The following MOSPD2 variants were observed in gnomAD, a reference collection of about 807,000 sequenced individuals.
MOSPD2 encodes motile sperm domain-containing protein 2.
A neutral mutation model predicts 41.7 loss-of-function variants in MOSPD2; 5 were observed. The ratio of observed to expected loss-of-function variants is 0.12; its 90% CI spans 0.06 to 0.25. MOSPD2 has a LOEUF of 0.25. MOSPD2 is among the 10% of genes least tolerant of loss of function. The pLI is 1.00. For missense variants in MOSPD2, 282 were observed against 375.2 expected, an observed-to-expected ratio of 0.75 and a Z score of 2.05; for synonymous variants, 115 against 126.9, an observed-to-expected ratio of 0.91 and a Z score of 0.63.
intron 14 of MOSPD2, 40 bp from the exon 15 acceptor site, chrX:14,919,632 T>C: frequency 9.7e-7 from 1 of 1,035,611 alleles, no homozygotes; most frequent in Non-Finnish European, 1.3e-6. Flanking sequence ...TAATGGCTGT[T>C]TTATTGATAT....
intron 2 of MOSPD2, among the ~76,000 whole-genome samples, chrX:14,891,807 TC>T (rs1434468111): frequency 9.0e-6 from 1 of 110,789 alleles, no homozygotes; most frequent in Non-Finnish European, 1.9e-5. Flanking sequence ...CCTCAGGTGA[TC>T]CGCCTGCCTC....
Position 14,921,562 on chromosome X carries a change from C to A in MOSPD2, c.*1753C>A. On this transcript the variant is annotated 3_prime_UTR_variant, in exon 15 of 15. Transcript: ENST00000380492. ...GCAAATAAATGAAGAAATAATTAGC[C>A]AAGATTGAAAATGTATTGTCCTAAC... The A allele has an allele frequency of 2.5e-6, 1 of 395,161 alleles. No individual in the cohort carries two copies. The highest frequency in any genetic ancestry group is 3.8e-6 in the Non-Finnish European group (1 of 264,522). The allele number at this position is 395,161 out of a possible 1,213,427, so 32.6% of individuals were successfully genotyped here.
Position 14,919,974 on chromosome X carries a change from C to G in MOSPD2, c.*165C>G, listed in dbSNP as rs2092606769. On this transcript the variant is annotated 3_prime_UTR_variant, in exon 15 of 15. Coordinates refer to ENST00000380492, the MANE Select transcript of MOSPD2 (RefSeq NM_152581.4). The stretch of plus-strand genomic sequence containing the variant: ...ACATACATGTCTTGAAAATAAACTG[C>G]TAGAATAAAGAAATGCTGGAGAAAT... 1 of 996,532 alleles carries G rather than the reference C, an allele frequency of 1.0e-6. No individual in the cohort carries two copies. Among genetic ancestry groups the G allele is most frequent in the Admixed American group, 4.8e-5 (1 of 20,692 alleles). The allele number at this position is 996,532 out of a possible 1,213,427, so 82.1% of individuals were successfully genotyped here. A position where few individuals can be genotyped will look rare whatever the true frequency, so the allele number is the denominator to read the frequency against.
chrX:14,903,186 A>G (rs766984456), intron 7 of MOSPD2, among the ~76,000 whole-genome samples, 182 bp downstream of exon 7: 2 of 111,466 alleles, frequency 1.8e-5, no homozygotes, highest in Non-Finnish European at 3.8e-5. Flanking sequence ...TTTTATACCC[A>G]GGATCTGGGG....
At position 14,873,727 on chromosome X, in the gene MOSPD2, C is replaced by G. The variant is rs2092512536; in HGVS notation, c.48C>G (p.Thr16=). ...AQNKAKLISE[T]RRRFEAEYVT... ...ATAAAGCCAAGCTCATCTCTGAGACCCGGAGGAGGTTCGAAGCTGAGTATG... is the reference window on the plus strand; with the variant it reads ...ATAAAGCCAAGCTCATCTCTGAGACGCGGAGGAGGTTCGAAGCTGAGTATG... Residue 16 remains threonine, a synonymous_variant, in exon 2 of 15, where the codon ACC becomes ACG. Coordinates refer to ENST00000380492, the MANE Select transcript of MOSPD2 (RefSeq NM_152581.4). 18 of 1,210,782 alleles carry G rather than the reference C, an allele frequency of 1.5e-5. No individual in the cohort carries two copies. The highest frequency in any genetic ancestry group is 1.9e-5 in the Non-Finnish European group (17 of 894,744).
At chrX:14,891,329 C>G (rs1307987619) in intron 2 of MOSPD2, among the ~76,000 whole-genome samples, 1 of 111,140 alleles carries the variant, frequency 9.0e-6, no homozygotes, top group Non-Finnish European at 1.9e-5. Flanking sequence ...GGAGGAATGT[C>G]TGCTATACAA....
In MOSPD2 at chrX:14,912,231, C is replaced by CTT. The variant is rs11400370; in HGVS notation, c.880-10_880-9dup. On this transcript the variant is annotated splice_polypyrimidine_tract_variant and intron_variant, in intron 9 of 14. Coordinates refer to ENST00000380492, the MANE Select transcript of MOSPD2 (RefSeq NM_152581.4). ...TGTTAATATATGCTAAATAGTTATC[C>CTT]TTTTTTTTTGTCTTTAGATTAACCC... The CTT allele has an allele frequency of 2.5e-3, 2,333 of 922,488 alleles. No individual in the cohort carries two copies. The highest frequency in any genetic ancestry group is 2.8e-3 in the Non-Finnish European group (1,883 of 677,962). The allele number at this position is 922,488 out of a possible 1,213,427, so 76.0% of individuals were successfully genotyped here.
In MOSPD2 at chrX:14,877,098, A is replaced by T. The variant is rs775350632; in HGVS notation, c.79+3340A>T. On this transcript the variant is annotated intron_variant, in intron 2 of 14. Coordinates refer to ENST00000380492, the MANE Select transcript of MOSPD2 (RefSeq NM_152581.4). Reference sequence around the variant, plus strand: ...ATAACCTTAAGGAGGGTAAGCACACATGGCTAAATACAGTGGGAATATAGT... The same window carrying T: ...ATAACCTTAAGGAGGGTAAGCACACTTGGCTAAATACAGTGGGAATATAGT... Among the ~76,000 whole-genome samples the T allele has an allele frequency of 7.2e-4, 80 of 111,631 alleles. 1 individual carries two copies. Among genetic ancestry groups the T allele is most frequent in the African/African-American group, 2.5e-3 (76 of 30,682 alleles).
In MOSPD2 at chrX:14,878,704, C is replaced by CT. The variant is rs964138010; in HGVS notation, c.79+4953dup. Among the ~76,000 whole-genome samples, 24 of 110,997 alleles carry CT rather than the reference C, an allele frequency of 2.2e-4. No individual in the cohort carries two copies. The South Asian group carries it at 4.5e-3, about 21-fold the overall frequency. On this transcript the variant is annotated intron_variant, in intron 2 of 14. Coordinates refer to ENST00000380492, the MANE Select transcript of MOSPD2 (RefSeq NM_152581.4). ...GTTTTGGTTTACTATTTTTTTTCTTCTTTTTTTATTATACTTTAAGTTCTA... is the reference window on the plus strand; with the variant it reads ...GTTTTGGTTTACTATTTTTTTTCTTCTTTTTTTTATTATACTTTAAGTTCTA...
chrX:14,885,837 CATT>C (rs1371887599), intron 2 of MOSPD2, among the ~76,000 whole-genome samples: 2 of 110,760 alleles, frequency 1.8e-5, no homozygotes, highest in Non-Finnish European at 3.8e-5. Context: ...TATTTGTTAA[CATT>C]ATTTTCTATT....
intron 13 of MOSPD2, among the ~76,000 whole-genome samples, chrX:14,916,773 T>C (rs780347137): frequency 8.9e-6 from 1 of 112,320 alleles, no homozygotes; most frequent in Non-Finnish European, 1.9e-5. Flanking sequence ...GAAAGACATC[T>C]GTGATATATT....
chrX:14,901,698 C>T (rs976611238), intron 6 of MOSPD2, among the ~76,000 whole-genome samples: 1 of 110,252 alleles, frequency 9.1e-6, no homozygotes, highest in Non-Finnish European at 1.9e-5. Context: ...TACCCTGATT[C>T]CTTAAGGCCT....
chrX:14,888,202 A>G (rs2092545785), intron 2 of MOSPD2, among the ~76,000 whole-genome samples: 1 of 40,729 alleles, frequency 2.5e-5, no homozygotes, highest in African/African-American at 1.1e-4. Context: ...ATATACACAC[A>G]CACGCACACA....
At position 14,921,179 on chromosome X, in the gene MOSPD2, T is replaced by C. The variant is rs1006868460; in HGVS notation, c.*1370T>C. 7.8e-6 allele frequency: 7 copies of C among 902,369 alleles called. No individual in the cohort carries two copies. In the African/African-American group the frequency reaches 1.5e-4, roughly 19 times the overall value. The allele number at this position is 902,369 out of a possible 1,213,427, so 74.4% of individuals were successfully genotyped here. A position where few individuals can be genotyped will look rare whatever the true frequency, so the allele number is the denominator to read the frequency against. ...AAAACAGTTGTCTGCCTGTAAAATG[T>C]TGAGTTTCGATTGAGCCATGTTTGG... On this transcript the variant is annotated 3_prime_UTR_variant, in exon 15 of 15. Transcript: ENST00000380492.
intron 10 of MOSPD2, among the ~76,000 whole-genome samples, 190 bp downstream of exon 10, chrX:14,912,551 T>C (rs772273540): frequency 5.7e-4 from 64 of 111,906 alleles, no homozygotes; most frequent in African/African-American, 2.0e-3. Context: ...TCTTCTATTA[T>C]GTTGAGTGTC....
chrX:14,878,457 C>A (rs1045281368), intron 2 of MOSPD2, among the ~76,000 whole-genome samples: 9 of 111,648 alleles, frequency 8.1e-5, no homozygotes, highest in Non-Finnish European at 1.7e-4. Context: ...CATGCATTTA[C>A]ATCCATTTGT....
intron 10 of MOSPD2, among the ~76,000 whole-genome samples, chrX:14,913,473 C>G (rs1447290973): frequency 8.9e-6 from 1 of 111,776 alleles, no homozygotes; most frequent in South Asian, 3.7e-4. Context: ...CCTGGAGCTG[C>G]TCACAGTTGT....
At chrX:14,919,640 T>C in intron 14 of MOSPD2, 32 bp from the exon 15 acceptor site, 1 of 1,061,070 alleles carries the variant, frequency 9.4e-7, no homozygotes, top group South Asian at 2.0e-5. Flanking sequence ...GTTTTATTGA[T>C]ATAAATCTTT....
chrX:14,886,994 G>A (rs1036159281), intron 2 of MOSPD2, among the ~76,000 whole-genome samples: 1 of 111,952 alleles, frequency 8.9e-6, no homozygotes, highest in African/African-American at 3.2e-5. Flanking sequence ...TTGTTCTTTT[G>A]TCTTGATCAC....
Sources: allele counts gnomAD v4.1 joint callset (sites outside exome capture counted in the v4.1 genomes callset), GRCh38; gene constraint gnomAD v4.1.1; transcripts MANE v1.5; gene names NCBI Gene and HGNC (gene_info 2026-07-23, HGNC 2026-07-21).